The following VCL variants were observed in gnomAD, a reference collection of about 807,000 sequenced individuals.
VCL encodes the protein epididymis luminal protein 114.
Under a neutral mutation model 125.7 loss-of-function variants are expected in VCL, and 47 were observed. The observed-to-expected ratio is 0.37, with a 90% CI of 0.30 to 0.48. The LOEUF is 0.48. VCL is among the 20% of genes least tolerant of loss of function. The pLI, the probability that VCL is intolerant of heterozygous loss-of-function variation, is 0.99. For synonymous variants in VCL, 458 were observed against 514.6 expected (o/e 0.89, Z 1.49); for missense variants, 1,069 against 1,455.5 (o/e 0.73, Z 4.32).
intron 10 of VCL, among the ~76,000 whole-genome samples, chr10:74,093,277 A>G (rs1839917477): frequency 6.6e-6 from 1 of 152,150 alleles, no homozygotes; most frequent in Admixed American, 6.6e-5. Context: ...AGCCTGGGCA[A>G]CACAGCGAGA....
intron 13 of VCL, among the ~76,000 whole-genome samples, chr10:74,098,660 G>A (rs193134258): frequency 1.3e-5 from 2 of 152,302 alleles, no homozygotes; most frequent in East Asian, 1.9e-4. Context: ...TATTGGCAGC[G>A]AATGAGAAGG....
chr10:74,038,448 A>G lies in VCL; in HGVS notation c.169-4635A>G, dbSNP rs1265748440. ...AATTCCCCAAGAAAAAATGGCATTC[A>G]TTCTATATAGTCATGTTTTATGTGT... On this transcript the variant is annotated intron_variant, in intron 1 of 21. Coordinates refer to ENST00000211998, the MANE Select transcript of VCL (RefSeq NM_014000.3). 2.0e-5 allele frequency among the ~76,000 whole-genome samples: 3 copies of G among 152,310 alleles called. No individual in the cohort carries two copies. The East Asian group carries it at 5.8e-4, about 29-fold the overall frequency.
downstream of VCL, chr10:74,121,020 G>C (rs1450509807): frequency 6.6e-6 from 1 of 152,104 alleles, no homozygotes; most frequent in African/African-American, 2.4e-5. Context: ...ATCTGAAAGG[G>C]GTAACATGTC....
chr10:74,112,650 C>T (rs1324514423), intron 19 of VCL, among the ~76,000 whole-genome samples: 1 of 151,966 alleles, frequency 6.6e-6, no homozygotes, highest in Non-Finnish European at 1.5e-5. Flanking sequence ...AAAATGGGGC[C>T]TCACTGACTG....
chr10:74,104,946 T>G, intron 15 of VCL, 105 bp from the exon 16 acceptor site: 2 of 1,277,102 alleles, frequency 1.6e-6, no homozygotes, highest in Middle Eastern at 2.1e-4. Context: ...AAGAAGAGAA[T>G]TCTGGATGTT....
rs531597831 is a variant in VCL, at chr10:74,059,035, G to A, written c.240-11635G>A. Among the ~76,000 whole-genome samples the A allele has an allele frequency of 1.2e-4, 18 of 152,102 alleles. 1 individual carries two copies. Among genetic ancestry groups the A allele is most frequent in the Non-Finnish European group, 2.1e-4 (14 of 68,010 alleles). On this transcript the variant is annotated intron_variant, in intron 2 of 21. Coordinates refer to ENST00000211998, the MANE Select transcript of VCL (RefSeq NM_014000.3). ...AACTTCTCAAGGCAGGAGCAGTGTA[G>A]TTACCTTCTCCATCGCAACATTCCT...
At chr10:74,051,393 C>T (rs1415266448) in intron 2 of VCL, among the ~76,000 whole-genome samples, 7 of 152,070 alleles carry the variant, frequency 4.6e-5, no homozygotes, top group African/African-American at 1.4e-4. Flanking sequence ...CGCACCACCA[C>T]GCCCAGCTAA....
intron 1 of VCL, among the ~76,000 whole-genome samples, chr10:74,012,167 T>G (rs552302647): frequency 6.6e-6 from 1 of 152,360 alleles, no homozygotes; most frequent in East Asian, 1.9e-4. Context: ...AGCCTTCTCT[T>G]TGTCCTCTCT....
chr10:74,113,988 C>T (rs1244373172), intron 19 of VCL, among the ~76,000 whole-genome samples, 196 bp from the exon 20 acceptor site: 2 of 152,092 alleles, frequency 1.3e-5, no homozygotes, highest in African/African-American at 2.4e-5. Flanking sequence ...AGTGCTTGGG[C>T]GAGTGCCCTG....
chr10:74,087,532 T>C (rs1483603788), intron 8 of VCL, among the ~76,000 whole-genome samples: 16 of 123,966 alleles, frequency 1.3e-4, no homozygotes, highest in African/African-American at 5.0e-4. Flanking sequence ...TTTTTTTTTT[T>C]TGGATTTTTA....
intron 1 of VCL, among the ~76,000 whole-genome samples, chr10:74,010,919 C>T (rs759081979): frequency 6.6e-6 from 1 of 152,096 alleles, no homozygotes; most frequent in Non-Finnish European, 1.5e-5. Flanking sequence ...CCTGTAAGCC[C>T]AGCACTCTGG....
intron 10 of VCL, 86 bp downstream of exon 10, chr10:74,090,284 C>G: frequency 6.8e-7 from 1 of 1,480,074 alleles, no homozygotes; most frequent in South Asian, 1.2e-5. Flanking sequence ...CTTTCTTCCC[C>G]CAAGAACATA....
intron 2 of VCL, among the ~76,000 whole-genome samples, chr10:74,061,548 T>G (rs947889237): frequency 7.2e-5 from 11 of 152,348 alleles, no homozygotes; most frequent in Admixed American, 5.2e-4. Flanking sequence ...TTGGTGATGC[T>G]TTTGTTTGTT....
chr10:74,003,157 C>T (rs1840261671), intron 1 of VCL, among the ~76,000 whole-genome samples: 1 of 152,096 alleles, frequency 6.6e-6, no homozygotes, highest in Non-Finnish European at 1.5e-5. Flanking sequence ...ACTGCAACTT[C>T]TGCCTCCCGG....
At chr10:74,089,761 G>GAACT (rs1306811569) in intron 9 of VCL, among the ~76,000 whole-genome samples, 1 of 152,166 alleles carries the variant, frequency 6.6e-6, no homozygotes, top group African/African-American at 2.4e-5. Flanking sequence ...AGGAACTGAG[G>GAACT]AACTAATAAG....
intron 1 of VCL, among the ~76,000 whole-genome samples, chr10:74,036,481 C>T (rs572438097): frequency 1.3e-5 from 2 of 152,170 alleles, no homozygotes; most frequent in African/African-American, 2.4e-5. Flanking sequence ...GGATTACAGG[C>T]GTGAGCCACC....
In VCL at chr10:73,998,373, C is replaced by T. The variant is rs1555112641; in HGVS notation, c.166C>T (p.Arg56Trp). ...AVQAAVSNLV[R>W]VGKETVQTTE... is the part of the protein sequence containing the mutation. The stretch of plus-strand genomic sequence containing the variant: ...GCAGGCGGCCGTCAGCAACCTCGTC[C>T]GGGTGAGCGCGCAGGGCCTGGCGCG... Residue 56 changes from arginine (R) to tryptophan (W), a missense_variant and splice_region_variant, in exon 1 of 22, where the codon CGG (arginine) becomes TGG (tryptophan). By Grantham distance (101) the Arg-to-Trp change is moderately radical (BLOSUM62 -3). Coordinates refer to ENST00000211998, the MANE Select transcript of VCL (RefSeq NM_014000.3). 7 of 1,529,870 alleles carry T rather than the reference C, an allele frequency of 4.6e-6. No homozygotes were observed. The highest frequency in any genetic ancestry group is 6.2e-6 in the Non-Finnish European group (7 of 1,136,010). The allele number at this position is 1,529,870 out of a possible 1,614,324, so 94.8% of individuals were successfully genotyped here. A position where few individuals can be genotyped will look rare whatever the true frequency, so the allele number is the denominator to read the frequency against.
chr10:74,022,785 T>C (rs1287109956), intron 1 of VCL, among the ~76,000 whole-genome samples: 1 of 151,564 alleles, frequency 6.6e-6, no homozygotes, highest in Non-Finnish European at 1.5e-5. Context: ...TACAGGTGCG[T>C]GCCACCACAC....
chr10:74,032,418 C>T (rs1015967162), intron 1 of VCL, among the ~76,000 whole-genome samples: 6 of 151,882 alleles, frequency 4.0e-5, no homozygotes, highest in Admixed American at 3.3e-4. Flanking sequence ...TGGCAAGGGG[C>T]CAGGCACAGT....
Sources: allele counts gnomAD v4.1 joint callset (sites outside exome capture counted in the v4.1 genomes callset), GRCh38; gene constraint gnomAD v4.1.1; transcripts MANE v1.5; gene names NCBI Gene and HGNC (gene_info 2026-07-23, HGNC 2026-07-21).